RSRC1: variants seen among roughly 807,000 people sequenced by gnomAD.
The protein encoded by RSRC1 is arginine and serine rich coiled-coil 1.
A neutral mutation model predicts 49.1 loss-of-function variants in RSRC1; 39 were observed. The observed-to-expected ratio is 0.79, with a 90% CI of 0.61 to 1.04. The LOEUF is 1.04. Among genes scored for constraint, RSRC1 ranks in the 50% least tolerant of loss-of-function variants. The probability of loss-of-function intolerance (pLI) is 0.00; values close to 1 mark genes in which losing one functional copy is unlikely to be tolerated. For synonymous variants in RSRC1, 143 were observed against 130.8 expected (o/e 1.09, Z -0.63); for missense variants, 388 against 402.4 (o/e 0.96, Z 0.31).
At chr3:158,248,350 A>G (rs540770544) in intron 4 of RSRC1, among the ~76,000 whole-genome samples, 1 of 152,286 alleles carries the variant, frequency 6.6e-6, no homozygotes, top group South Asian at 2.1e-4. Context: ...TGATTCATTC[A>G]CAATGTTGCA....
chr3:158,265,523 C>A (rs1725121239), intron 4 of RSRC1, among the ~76,000 whole-genome samples: 1 of 151,880 alleles, frequency 6.6e-6, no homozygotes, highest in South Asian at 2.1e-4. Flanking sequence ...CCCAGCTACT[C>A]AGGAAGCTGA....
At chr3:158,341,651 T>C (rs1160499273) in intron 5 of RSRC1, among the ~76,000 whole-genome samples, 1 of 152,172 alleles carries the variant, frequency 6.6e-6, no homozygotes, top group Non-Finnish European at 1.5e-5. Context: ...AATGGAAATA[T>C]GGGGTCAGAG....
intron 7 of RSRC1, among the ~76,000 whole-genome samples, chr3:158,498,782 A>C (rs752497479): frequency 6.6e-6 from 1 of 152,118 alleles, no homozygotes; most frequent in African/African-American, 2.4e-5. Context: ...TCATTCTCCT[A>C]CATGTGGCTA....
chr3:158,455,770 A>G (rs573702122), intron 6 of RSRC1, among the ~76,000 whole-genome samples: 1 of 152,044 alleles, frequency 6.6e-6, no homozygotes, highest in East Asian at 1.9e-4. Context: ...ACCTGAGGTC[A>G]GGAGTTCACG....
At chr3:158,514,175 C>T (rs1375722662) in intron 7 of RSRC1, among the ~76,000 whole-genome samples, 4 of 151,930 alleles carry the variant, frequency 2.6e-5, no homozygotes, top group Non-Finnish European at 5.9e-5. Flanking sequence ...AATGTGTTTC[C>T]TCTTGCTTTT....
chr3:158,257,105 C>A (rs1724610231), intron 4 of RSRC1, among the ~76,000 whole-genome samples: 1 of 151,916 alleles, frequency 6.6e-6, no homozygotes, highest in Admixed American at 6.6e-5. Flanking sequence ...TATTTCTTGC[C>A]TTCTGCTAGC....
intron 4 of RSRC1, among the ~76,000 whole-genome samples, chr3:158,251,056 G>T (rs554120816): frequency 7.2e-4 from 110 of 152,226 alleles, no homozygotes; most frequent in Non-Finnish European, 1.3e-3. Flanking sequence ...TCTGCATATG[G>T]ATATCCAGTT....
intron 5 of RSRC1, among the ~76,000 whole-genome samples, chr3:158,329,862 T>G (rs1268828425): frequency 1.3e-5 from 2 of 152,214 alleles, no homozygotes; most frequent in Non-Finnish European, 2.9e-5. Flanking sequence ...CAGGCCTCCT[T>G]GAGCTGAGGT....
chr3:158,241,626 C>G (rs1484638549), intron 4 of RSRC1, among the ~76,000 whole-genome samples: 2 of 151,666 alleles, frequency 1.3e-5, no homozygotes, highest in Admixed American at 6.6e-5. Flanking sequence ...AGAGAATAAG[C>G]AAAGCAGTTA....
chr3:158,465,391 C>T (rs554897028), intron 7 of RSRC1, among the ~76,000 whole-genome samples: 2 of 152,172 alleles, frequency 1.3e-5, no homozygotes, highest in South Asian at 4.1e-4. Flanking sequence ...AGAGAGAGAA[C>T]TGTTATAATC....
At chr3:158,510,838 T>C (rs1740123551) in intron 7 of RSRC1, among the ~76,000 whole-genome samples, 1 of 152,176 alleles carries the variant, frequency 6.6e-6, no homozygotes, top group Non-Finnish European at 1.5e-5. Flanking sequence ...GAATAATTGG[T>C]TATTTTTAAT....
At chr3:158,391,298 A>G (rs538019822) in intron 6 of RSRC1, among the ~76,000 whole-genome samples, 5 of 152,214 alleles carry the variant, frequency 3.3e-5, no homozygotes, top group African/African-American at 7.2e-5. Flanking sequence ...CATAATTGAT[A>G]TTCAAAAAAC....
chr3:158,391,526 A>C (rs1733292794), intron 6 of RSRC1, among the ~76,000 whole-genome samples: 1 of 152,190 alleles, frequency 6.6e-6, no homozygotes, highest in Non-Finnish European at 1.5e-5. Flanking sequence ...AAAAGGTAGA[A>C]TTAAGTCCAA....
chr3:158,145,179 T>C (rs530465626), intron 3 of RSRC1, among the ~76,000 whole-genome samples: 254 of 152,344 alleles, frequency 1.7e-3, no homozygotes, highest in African/African-American at 5.1e-3. Flanking sequence ...CCATTGCTTT[T>C]GGTGTTTTAG....
In RSRC1 at chr3:158,110,166, C is replaced by A. The variant is rs1382345419; in HGVS notation, c.-60C>A. ...GGCGCCCTGATCTAAAGAAACGACTCAGGGACTGCGGCGCTTGCACGTCAA... is the reference window on the plus strand; with the variant it reads ...GGCGCCCTGATCTAAAGAAACGACTAAGGGACTGCGGCGCTTGCACGTCAA... On this transcript the variant is annotated 5_prime_UTR_variant, in exon 1 of 10. Transcript: ENST00000611884. 6.6e-6 allele frequency: 1 copy of A among 152,390 alleles called. No homozygotes were observed. Among genetic ancestry groups the A allele is most frequent in the African/African-American group, 2.4e-5 (1 of 41,594 alleles). The allele number at this position is 152,390 out of a possible 1,614,324, so 9.4% of individuals were successfully genotyped here.
intron 3 of RSRC1, among the ~76,000 whole-genome samples, chr3:158,133,705 TAATA>T (rs946564012): frequency 6.6e-6 from 1 of 152,194 alleles, no homozygotes; most frequent in Non-Finnish European, 1.5e-5. Context: ...CTACAAAATT[TAATA>T]AATCATCCCA....
chr3:158,413,343 A>G (rs987211560), intron 6 of RSRC1, among the ~76,000 whole-genome samples: 1 of 152,220 alleles, frequency 6.6e-6, no homozygotes, highest in East Asian at 1.9e-4. Flanking sequence ...TTAACTCAAG[A>G]TGGATTGAAG....
intron 5 of RSRC1, among the ~76,000 whole-genome samples, chr3:158,331,155 A>T (rs1729520990): frequency 6.6e-6 from 1 of 152,192 alleles, no homozygotes; most frequent in Non-Finnish European, 1.5e-5. Context: ...ACAATTTGAG[A>T]TTTGGTGTTG....
At chr3:158,334,643 G>A (rs1318122422) in intron 5 of RSRC1, among the ~76,000 whole-genome samples, 1 of 127,642 alleles carries the variant, frequency 7.8e-6, no homozygotes, top group Non-Finnish European at 1.6e-5. Context: ...ACCACACCCA[G>A]CTAATTTGTG....
Sources: gnomAD v4.1 joint callset for allele counts (sites outside exome capture counted in the v4.1 genomes callset) on GRCh38, gnomAD v4.1.1 for gene constraint, MANE v1.5 for transcripts, NCBI Gene and HGNC (gene_info 2026-07-23, HGNC 2026-07-21) for gene names.